Variants in SHANK2 observed in about 807,000 individuals in gnomAD.
SHANK2 encodes the protein SH3 and multiple ankyrin repeat domains 2.
Under a neutral mutation model 133.7 loss-of-function variants are expected in SHANK2, and 43 were observed. That is an observed-to-expected ratio of 0.32 (90% CI 0.25 to 0.41). The LOEUF is 0.41. Among genes scored for constraint, SHANK2 ranks in the 10% least tolerant of loss-of-function variants. The probability of loss-of-function intolerance (pLI) is 1.00; values close to 1 mark genes in which losing one functional copy is unlikely to be tolerated. For synonymous variants in SHANK2, 1,017 were observed against 952.8 expected, an observed-to-expected ratio of 1.07 and a Z score of -1.24; for missense variants, 1,994 against 2,235.8, an observed-to-expected ratio of 0.89 and a Z score of 2.18.
At chr11:70,539,788 A>C (rs1222008837) in intron 17 of SHANK2, among the ~76,000 whole-genome samples, 1 of 152,158 alleles carries the variant, frequency 6.6e-6, no homozygotes, top group Admixed American at 6.5e-5. Flanking sequence ...GGGCCGTAGC[A>C]GAGGGCCTGG....
intron 11 of SHANK2, among the ~76,000 whole-genome samples, chr11:70,823,434 T>G (rs7396109): frequency 0.98 from 108,878 of 111,420 alleles, 53,254 homozygotes; most frequent in East Asian, 1. Context: ...GACAGAGGTG[T>G]CATTGGCAGA....
chr11:71,101,088 A>T (rs1951709669), intron 6 of SHANK2, among the ~76,000 whole-genome samples: 1 of 152,158 alleles, frequency 6.6e-6, no homozygotes, highest in Admixed American at 6.5e-5. Flanking sequence ...GACTTCAGTT[A>T]TTGCAACAAA....
intron 4 of SHANK2, among the ~76,000 whole-genome samples, chr11:71,113,755 G>T (rs1035298657): frequency 1.3e-5 from 2 of 152,138 alleles, no homozygotes; most frequent in Non-Finnish European, 2.9e-5. Context: ...TCAAACACCA[G>T]GTTTTTCTCC....
At position 70,875,940 on chromosome 11, in the gene SHANK2, T is replaced by C. The variant is rs191409855; in HGVS notation, c.1174+20561A>G. Among the ~76,000 whole-genome samples the C allele has an allele frequency of 3.7e-3, 550 of 149,490 alleles. 6 individuals carry two copies. Among genetic ancestry groups the C allele is most frequent in the African/African-American group, 0.013 (525 of 40,418 alleles). ...GGGAGCCCGAGGTGGGCAGATCACC[T>C]GAGGTTGGGAGTTTGAGACCAGCCT... On this transcript the variant is annotated intron_variant, in intron 11 of 25. Coordinates refer to ENST00000601538, the MANE Select transcript of SHANK2 (RefSeq NM_012309.5).
At chr11:70,573,462 T>G (rs990965712) in intron 17 of SHANK2, among the ~76,000 whole-genome samples, 1 of 147,914 alleles carries the variant, frequency 6.8e-6, no homozygotes, top group African/African-American at 2.5e-5. Flanking sequence ...GGACATTGAT[T>G]ATGCCCCAAT....
chr11:70,504,870 C>T (rs1185539463), intron 17 of SHANK2, among the ~76,000 whole-genome samples: 5 of 152,040 alleles, frequency 3.3e-5, no homozygotes, highest in African/African-American at 9.7e-5. Flanking sequence ...ACCAGCCACG[C>T]GTTATCGGGT....
chr11:71,073,586 G>C (rs1951178268), intron 9 of SHANK2, among the ~76,000 whole-genome samples: 1 of 151,984 alleles, frequency 6.6e-6, no homozygotes, highest in South Asian at 2.1e-4. Flanking sequence ...TCCCACCTCA[G>C]CCTCCTGAGT....
In SHANK2 at chr11:70,847,257, C is replaced by G. The variant is rs77897294; in HGVS notation, c.1175-26575G>C. 6.6e-3 allele frequency among the ~76,000 whole-genome samples: 1,004 copies of G among 152,324 alleles called. 14 individuals are homozygous for G. Among genetic ancestry groups the G allele is most frequent in the African/African-American group, 0.023 (973 of 41,578 alleles). ...CCATGGCACCCCGCGGGAGGCCGTC[C>G]CTCCTGCCCACTCTGTACTTGATGA... On this transcript the variant is annotated intron_variant, in intron 11 of 25. Transcript: ENST00000601538.
chr11:71,167,754 C>G (rs7936864), intron 2 of SHANK2, among the ~76,000 whole-genome samples: 2 of 123,138 alleles, frequency 1.6e-5, no homozygotes, highest in Non-Finnish European at 1.7e-5. Context: ...CGGGCAGAGG[C>G]GTCCCTCACC....
At chr11:70,899,666 A>G (rs914954485) in intron 10 of SHANK2, among the ~76,000 whole-genome samples, 1 of 152,178 alleles carries the variant, frequency 6.6e-6, no homozygotes, top group African/African-American at 2.4e-5. Context: ...AACTCGACTT[A>G]GGTGATGTGG....
At chr11:71,207,039 C>G (rs1427736764) in intron 2 of SHANK2, among the ~76,000 whole-genome samples, 1 of 151,406 alleles carries the variant, frequency 6.6e-6, no homozygotes, top group Non-Finnish European at 1.5e-5. Flanking sequence ...CAAGCTATGA[C>G]TGGGCCACTT....
intron 6 of SHANK2, among the ~76,000 whole-genome samples, chr11:71,105,590 TAAAAA>T (rs60654256): frequency 2.0e-3 from 154 of 77,956 alleles, no homozygotes; most frequent in African/African-American, 7.5e-3. Context: ...AGACTCAGTC[TAAAAA>T]AAAAAAAAAA....
chr11:70,472,706 C>A lies in SHANK2; in HGVS notation c.*163G>T. The A allele has an allele frequency of 1.4e-6, 1 of 727,924 alleles. No homozygotes were observed. Among genetic ancestry groups the A allele is most frequent in the Non-Finnish European group, 2.4e-6 (1 of 418,834 alleles). 45.1% of individuals were successfully genotyped at this position (727,924 alleles called of 1,614,324 possible). ...CATGGTGAGCCAGGGGTCTGAAGAC[C>A]CAGCCATGTTGTGGACACAACTCAG... On this transcript the variant is annotated 3_prime_UTR_variant, in exon 26 of 26. Transcript: ENST00000601538. The surrounding 1 kb of genome is among the most constrained non-coding windows in gnomAD (Gnocchi z 4.4).
chr11:70,571,067 C>T (rs989171610), intron 17 of SHANK2, among the ~76,000 whole-genome samples: 9 of 152,254 alleles, frequency 5.9e-5, no homozygotes, highest in African/African-American at 2.2e-4. Context: ...GTCCTGGAGG[C>T]GGATTCTAGG....
rs1555154077 is a variant in SHANK2 at position 70,487,035 on chromosome 11, G to T, written c.3258C>A (p.Val1086=). ...SPFAAAIAGA[V]RDREKRLEAR... ...CTTCCAGCCGCTTCTCACGGTCGCG[G>T]ACGGCTCCGGCGATGGCGGCGGCAA... The change falls in exon 25 of 26, where the codon GTC becomes GTA. Residue 1086 remains valine, a synonymous_variant. Transcript: ENST00000601538. The surrounding 1 kb of genome is among the most constrained non-coding windows in gnomAD (Gnocchi z 5.8). 2 of 1,609,074 alleles carry T rather than the reference G, an allele frequency of 1.2e-6. No individual in the cohort carries two copies. The highest frequency in any genetic ancestry group is 1.7e-6 in the Non-Finnish European group (2 of 1,179,674).
At chr11:71,246,334 G>A (rs546090592) in intron 1 of SHANK2, among the ~76,000 whole-genome samples, 3 of 152,184 alleles carry the variant, frequency 2.0e-5, no homozygotes, top group African/African-American at 7.2e-5. Flanking sequence ...TGCTGACTCT[G>A]GATTCTCCTT....
intron 14 of SHANK2, among the ~76,000 whole-genome samples, chr11:70,719,342 C>A (rs542817238): frequency 6.6e-6 from 1 of 152,226 alleles, no homozygotes; most frequent in Non-Finnish European, 1.5e-5. Flanking sequence ...TAGAACCCAG[C>A]GCTGTGCCCA....
At chr11:70,547,184 T>C (rs2059705861) in intron 17 of SHANK2, among the ~76,000 whole-genome samples, 1 of 152,214 alleles carries the variant, frequency 6.6e-6, no homozygotes, top group Admixed American at 6.5e-5. Flanking sequence ...AACTGAGTCC[T>C]ATCCCGTACT....
rs1948126467 is a variant in SHANK2 at position 70,804,831 on chromosome 11, G to GGA, written c.1663+2169_1663+2170dup. ...GTCTGCCTACCACTGCCAGCCTGTG[G>GGA]GAGACTCGGATCCACTGATGGGGCT... On this transcript the variant is annotated intron_variant, in intron 13 of 25. Coordinates refer to ENST00000601538, the MANE Select transcript of SHANK2 (RefSeq NM_012309.5). This position sits in a 1 kb window ranked among gnomAD's most constrained non-coding sequence, Gnocchi z 4.1. Among the ~76,000 whole-genome samples, 1 of 152,164 alleles carries GGA rather than the reference G, an allele frequency of 6.6e-6. No homozygotes were observed. Among genetic ancestry groups the GGA allele is most frequent in the Non-Finnish European group, 1.5e-5 (1 of 68,024 alleles).
Sources: allele counts gnomAD v4.1 joint callset (sites outside exome capture counted in the v4.1 genomes callset), GRCh38; gene constraint gnomAD v4.1.1; non-coding constraint Gnocchi (gnomAD v3.1); transcripts MANE v1.5; gene names NCBI Gene and HGNC (gene_info 2026-07-23, HGNC 2026-07-21).